Variants in C9orf43 observed in about 807,000 individuals in gnomAD.
The protein encoded by C9orf43 is uncharacterized protein C9orf43.
Under a neutral mutation model 59.1 loss-of-function variants are expected in C9orf43, and 45 were observed. The ratio of observed to expected loss-of-function variants is 0.76; its 90% CI spans 0.60 to 0.98. C9orf43 has a LOEUF of 0.98. Among genes scored for constraint, C9orf43 ranks in the 50% least tolerant of loss-of-function variants. The pLI, the probability that C9orf43 is intolerant of heterozygous loss-of-function variation, is 0.00. For synonymous variants in C9orf43, 203 were observed against 196.8 expected, an observed-to-expected ratio of 1.03 and a Z score of -0.26; for missense variants, 533 against 554.9, an observed-to-expected ratio of 0.96 and a Z score of 0.40.
Position 113,410,971 on chromosome 9 carries a change from T to G in C9orf43, c.-80T>G. Reference sequence around the variant, plus strand: ...TACCGAAGTTGATGTTCATTTTTAATCTTTTCGCCCCTCACGCTTTTGTAA... The same window carrying G: ...TACCGAAGTTGATGTTCATTTTTAAGCTTTTCGCCCCTCACGCTTTTGTAA... On this transcript the variant is annotated 5_prime_UTR_variant, in exon 1 of 14. Coordinates refer to ENST00000374165, the MANE Select transcript of C9orf43 (RefSeq NM_001278629.2). The G allele has an allele frequency of 1.0e-6, 1 of 986,410 alleles. No homozygotes were observed. Among genetic ancestry groups the G allele is most frequent in the Non-Finnish European group, 1.2e-6 (1 of 830,518 alleles). The allele number at this position is 986,410 out of a possible 1,614,324, so 61.1% of individuals were successfully genotyped here. A position where few individuals can be genotyped will look rare whatever the true frequency, so the allele number is the denominator to read the frequency against.
intron 4 of C9orf43, 34 bp downstream of exon 4, chr9:113,419,199 A>G (rs763438999): frequency 1.3e-6 from 2 of 1,520,924 alleles, no homozygotes; most frequent in Non-Finnish European, 1.8e-6. Flanking sequence ...CTTCTTCAAC[A>G]TTTTTTCTTT....
intron 10 of C9orf43, 99 bp downstream of exon 10, chr9:113,425,519 G>C: frequency 6.7e-7 from 1 of 1,481,722 alleles, no homozygotes; most frequent in Middle Eastern, 1.7e-4. Context: ...TTTTCTATCT[G>C]GTTATAGATA....
At chr9:113,428,381 G>A (rs1828868043) in intron 12 of C9orf43, among the ~76,000 whole-genome samples, 158 bp downstream of exon 12, 1 of 152,178 alleles carries the variant, frequency 6.6e-6, no homozygotes, top group Admixed American at 6.5e-5. Flanking sequence ...TAATGCAGCT[G>A]GGCTGAGGCT....
chr9:113,423,299 G>T (rs1828655326), intron 6 of C9orf43, 27 bp from the exon 7 acceptor site: 3 of 1,610,220 alleles, frequency 1.9e-6, no homozygotes, highest in Non-Finnish European at 8.5e-7. Context: ...ATGCTTTGGA[G>T]AATTCTTTCC....
At chr9:113,412,337 A>G (rs941466307) in intron 1 of C9orf43, among the ~76,000 whole-genome samples, 1 of 152,244 alleles carries the variant, frequency 6.6e-6, no homozygotes, top group African/African-American at 2.4e-5. Context: ...GTGCTAGCCA[A>G]ACAAAACAAG....
chr9:113,416,420 C>G (rs1419431320), intron 3 of C9orf43, among the ~76,000 whole-genome samples: 1 of 152,196 alleles, frequency 6.6e-6, no homozygotes, highest in Non-Finnish European at 1.5e-5. Context: ...GACTGGTTTT[C>G]TGATTGTGCT....
intron 1 of C9orf43, among the ~76,000 whole-genome samples, chr9:113,411,445 C>T (rs1159186327): frequency 6.6e-6 from 1 of 151,894 alleles, no homozygotes; most frequent in Admixed American, 6.6e-5. Context: ...ACTACAGACG[C>T]CCGCCACCAC....
chr9:113,428,818 C>T (rs1588116357), intron 12 of C9orf43, 82 bp from the exon 13 acceptor site: 3 of 1,245,168 alleles, frequency 2.4e-6, no homozygotes, highest in East Asian at 2.3e-5. Context: ...GTTAATTTCT[C>T]CAAGAGAAGC....
intron 7 of C9orf43, among the ~76,000 whole-genome samples, chr9:113,423,908 C>G (rs183136759): frequency 6.6e-6 from 1 of 152,320 alleles, no homozygotes; most frequent in East Asian, 1.9e-4. Context: ...TCATTTTCCT[C>G]ATTTGCAAAG....
intron 5 of C9orf43, 79 bp from the exon 6 acceptor site, chr9:113,422,470 G>A: frequency 1.3e-6 from 2 of 1,553,212 alleles, no homozygotes; most frequent in Non-Finnish European, 1.8e-6. Flanking sequence ...TAAGATATCT[G>A]GGAATAAGTT....
In C9orf43 at chr9:113,425,741, T is replaced by TA. The variant is rs1175721993; in HGVS notation, c.1030+12dup. On this transcript the variant is annotated intron_variant, in intron 11 of 13. Coordinates refer to ENST00000374165, the MANE Select transcript of C9orf43 (RefSeq NM_001278629.2). Reference sequence around the variant, plus strand: ...ATGACCGTCTCTATGGTAAGGGGAATATATGCTTGGTTGGGGGTGATAGGA... The same window carrying TA: ...ATGACCGTCTCTATGGTAAGGGGAATAATATGCTTGGTTGGGGGTGATAGGA... 6.2e-7 allele frequency: 1 copy of TA among 1,605,312 alleles called. No homozygotes were observed. The highest frequency in any genetic ancestry group is 8.5e-7 in the Non-Finnish European group (1 of 1,172,138).
At chr9:113,424,141 T>C in intron 7 of C9orf43, 25 bp from the exon 8 acceptor site, 1 of 1,570,038 alleles carries the variant, frequency 6.4e-7, no homozygotes, top group East Asian at 2.3e-5. Context: ...TTGCTGACTG[T>C]CTGGCTGTCC....
chr9:113,429,267 T>C lies in C9orf43; in HGVS notation c.1267T>C (p.Ser423Pro), dbSNP rs1828900807. The change falls in exon 14 of 14, where the codon TCC becomes CCC. Residue 423 changes from serine to proline, a missense_variant. Coordinates refer to ENST00000374165, the MANE Select transcript of C9orf43 (RefSeq NM_001278629.2). ...CCAGGCTGCCAGGCAAAAGAAGATC[T>C]CCTTTAACTTTTCAGAAATTATGGC... is the stretch of plus-strand genomic sequence containing the variant. ...EAQAARQKKI[S>P]FNFSEIMAST... is the part of the protein sequence containing the mutation. 6.2e-7 allele frequency: 1 copy of C among 1,614,072 alleles called. No individual in the cohort carries two copies. The highest frequency in any genetic ancestry group is 1.1e-5 in the South Asian group (1 of 91,084).
chr9:113,423,581 C>T, intron 7 of C9orf43, 83 bp downstream of exon 7: 8 of 1,312,288 alleles, frequency 6.1e-6, no homozygotes, highest in Non-Finnish European at 8.5e-6. Flanking sequence ...TGTGCTTTTT[C>T]TGAGTAGGAC....
At chr9:113,426,097 A>G (rs1828783166) in intron 11 of C9orf43, among the ~76,000 whole-genome samples, 1 of 152,184 alleles carries the variant, frequency 6.6e-6, no homozygotes, top group Non-Finnish European at 1.5e-5. Context: ...CCAATGAGGC[A>G]GGGAGAGCTG....
chr9:113,423,671 C>T (rs139566080), intron 7 of C9orf43, among the ~76,000 whole-genome samples, 173 bp downstream of exon 7: 1 of 152,280 alleles, frequency 6.6e-6, no homozygotes, highest in Non-Finnish European at 1.5e-5. Flanking sequence ...ATAACCACCA[C>T]CATTTGTCAC....
At chr9:113,411,280 TC>T (rs1295460854) in intron 1 of C9orf43, 1 of 277,696 alleles carries the variant, frequency 3.6e-6, no homozygotes, top group Non-Finnish European at 5.5e-6. Flanking sequence ...AAAACCATTC[TC>T]AAGGTTTTGC....
In C9orf43 at chr9:113,413,821, C is replaced by A; in HGVS notation, c.214C>A (p.Pro72Thr). The change falls in exon 3 of 14, where the codon CCA (proline) becomes ACA (threonine). Residue 72 changes from proline (P) to threonine (T), a missense_variant. By Grantham distance (38) the Pro-to-Thr change is conservative. Coordinates refer to ENST00000374165, the MANE Select transcript of C9orf43 (RefSeq NM_001278629.2). Reference protein sequence around the residue: ...LDSGFAAHHLPECTFTKAHSL... With the variant: ...LDSGFAAHHLTECTFTKAHSL... ...TTCCGGCTTTGCAGCTCATCATTTA[C>A]CAGAATGTACCTTTACTAAGGCCCA... The A allele has an allele frequency of 1.2e-6, 2 of 1,614,086 alleles. No individual in the cohort carries two copies. Among genetic ancestry groups the A allele is most frequent in the Non-Finnish European group, 1.7e-6 (2 of 1,179,942 alleles).
In C9orf43 at chr9:113,423,457, C is replaced by G; in HGVS notation, c.615C>G (p.Leu205=). ...AATTCAGTTCAGATTTCCTACCTCT[C>G]TGGGCTCAATCCGAAGCGTTACCTC... is the stretch of plus-strand genomic sequence containing the variant. ...SEQFSSDFLP[L]WAQSEALPQD... is the part of the protein sequence containing the mutation. Residue 205 remains leucine (L), a synonymous_variant, in exon 7 of 14, where the codon CTC becomes CTG. Coordinates refer to ENST00000374165, the MANE Select transcript of C9orf43 (RefSeq NM_001278629.2). 6.2e-7 allele frequency: 1 copy of G among 1,614,054 alleles called. No homozygotes were observed.
Sources: gnomAD v4.1 joint callset for allele counts (sites outside exome capture counted in the v4.1 genomes callset) on GRCh38, gnomAD v4.1.1 for gene constraint, MANE v1.5 for transcripts, NCBI Gene and HGNC (gene_info 2026-07-23, HGNC 2026-07-21) for gene names.